The following TRAPPC9 variants were observed in gnomAD, a reference collection of about 807,000 sequenced individuals.
TRAPPC9 encodes the protein IKK2 binding protein.
A neutral mutation model predicts 124.0 loss-of-function variants in TRAPPC9; 83 were observed. The ratio of observed to expected loss-of-function variants is 0.67; its 90% CI spans 0.56 to 0.80. The LOEUF (loss-of-function observed/expected upper bound fraction) is 0.80, where lower values mean the gene tolerates loss of function less well. Among genes scored for constraint, TRAPPC9 ranks in the 30% least tolerant of loss-of-function variants. The probability of loss-of-function intolerance (pLI) is 0.00; values close to 1 mark genes in which losing one functional copy is unlikely to be tolerated. For synonymous variants in TRAPPC9, 638 were observed against 617.5 expected, an observed-to-expected ratio of 1.03 and a Z score of -0.49; for missense variants, 1,302 against 1,508.3, an observed-to-expected ratio of 0.86 and a Z score of 2.27.
chr8:139,855,755 G>A (rs937745827), intron 21 of TRAPPC9, among the ~76,000 whole-genome samples: 5 of 152,210 alleles, frequency 3.3e-5, no homozygotes, highest in African/African-American at 1.2e-4. Context: ...CCGCAAGCCC[G>A]CTCGACCCCA....
intron 21 of TRAPPC9, among the ~76,000 whole-genome samples, chr8:139,783,201 A>G (rs1024825711): frequency 6.6e-6 from 1 of 152,184 alleles, no homozygotes; most frequent in Non-Finnish European, 1.5e-5. Context: ...AATCAATGAA[A>G]TAACAAACAG....
chr8:139,891,883 A>G (rs1404747460), intron 20 of TRAPPC9, among the ~76,000 whole-genome samples: 1 of 152,214 alleles, frequency 6.6e-6, no homozygotes, highest in Admixed American at 6.5e-5. Context: ...TATCTAATTT[A>G]CAGAGAAGGA....
intron 16 of TRAPPC9, among the ~76,000 whole-genome samples, chr8:140,244,561 G>C (rs1029950766): frequency 2.6e-5 from 4 of 152,216 alleles, no homozygotes; most frequent in South Asian, 2.1e-4. Flanking sequence ...CAACCCAAAG[G>C]CAGTTTTCAT....
rs567417199 is a variant in TRAPPC9 at position 139,833,492 on chromosome 8, G to A, written c.3055+52387C>T. 1.3e-3 allele frequency among the ~76,000 whole-genome samples: 204 copies of A among 152,328 alleles called. 2 individuals are homozygous for A. In the Middle Eastern group the frequency reaches 0.031, roughly 23 times the overall value. ...GGCAATGGAAGGAGCTGGTCACGAA[G>A]AATCCGGCCACGGCACCTGGCTGAC... On this transcript the variant is annotated intron_variant, in intron 21 of 22. Coordinates refer to ENST00000438773, the MANE Select transcript of TRAPPC9 (RefSeq NM_001160372.4).
chr8:140,337,956 C>T (rs765047595), intron 9 of TRAPPC9, among the ~76,000 whole-genome samples: 30 of 152,256 alleles, frequency 2.0e-4, no homozygotes, highest in Admixed American at 1.4e-3. Flanking sequence ...CCCTGCAAAA[C>T]GGGGTTGTCT....
Position 140,284,012 on chromosome 8 carries a change from G to A in TRAPPC9, c.1991C>T (p.Thr664Ile). ...GTCACTGAACACACCGAAGACCGTGGTATGGTAACCTGGAATAGAAAAGGA... is the reference window on the plus strand; with the variant it reads ...GTCACTGAACACACCGAAGACCGTGATATGGTAACCTGGAATAGAAAAGGA... ...TGTITVNGYHTTVFGVFSDCL... is the reference protein window; with the variant it reads ...TGTITVNGYHITVFGVFSDCL... The change falls in exon 14 of 23, where the codon ACC becomes ATC. Residue 664 changes from threonine (T) to isoleucine (I), a missense_variant. Physicochemically the swap from Thr to Ile is moderately conservative, Grantham distance 89 (BLOSUM62 -1). Around this residue, in one of 3 missense-constraint regions of TRAPPC9, gnomAD observed 640 missense variants for 679.3 expected, o/e 0.94. Transcript: ENST00000438773. 1.2e-6 allele frequency: 2 copies of A among 1,614,118 alleles called. No homozygotes were observed. Among genetic ancestry groups the A allele is most frequent in the South Asian group, 1.1e-5 (1 of 91,080 alleles).
intron 21 of TRAPPC9, among the ~76,000 whole-genome samples, chr8:139,866,888 G>T (rs1828578241): frequency 6.6e-6 from 1 of 152,196 alleles, no homozygotes. Context: ...CCAAAGTATG[G>T]ATCTTGGTTG....
intron 21 of TRAPPC9, among the ~76,000 whole-genome samples, chr8:139,876,490 G>A (rs1238807162): frequency 2.6e-5 from 4 of 152,210 alleles, no homozygotes; most frequent in Non-Finnish European, 5.9e-5. Context: ...CGGGACATCT[G>A]CACAAGCTCT....
rs76783360 is a variant in TRAPPC9, at chr8:140,075,927, T to C, written c.2557-51848A>G. 2.4e-3 allele frequency among the ~76,000 whole-genome samples: 366 copies of C among 152,338 alleles called. 4 individuals are homozygous for C. The East Asian group carries it at 0.03, about 13-fold the overall frequency. On this transcript the variant is annotated intron_variant, in intron 17 of 22. Coordinates refer to ENST00000438773, the MANE Select transcript of TRAPPC9 (RefSeq NM_001160372.4). ...GTTACTGATTTGAAGCAACTAAACA[T>C]TGGAGTGAAATCTCTTATGATAGCC...
rs562348612 is a variant in TRAPPC9, at chr8:140,124,235, G to A, written c.2556+97224C>T. ...CACACCAGCATGTCTCCAGGGCTGC[G>A]TTCCTGGGGTAGGGTGCAGGGGGGG... On this transcript the variant is annotated intron_variant, in intron 17 of 22. Coordinates refer to ENST00000438773, the MANE Select transcript of TRAPPC9 (RefSeq NM_001160372.4). Among the ~76,000 whole-genome samples, 14 of 152,196 alleles carry A rather than the reference G, an allele frequency of 9.2e-5. 1 individual carries two copies. The highest frequency in any genetic ancestry group is 2.1e-4 in the South Asian group (1 of 4,834).
chr8:139,861,718 G>T (rs149334302), intron 21 of TRAPPC9, among the ~76,000 whole-genome samples: 1 of 152,210 alleles, frequency 6.6e-6, no homozygotes, highest in Non-Finnish European at 1.5e-5. Context: ...GTGCTATGGA[G>T]CCCACAAATC....
chr8:140,176,088 C>G lies in TRAPPC9; in HGVS notation c.2556+45371G>C, dbSNP rs550816921. Among the ~76,000 whole-genome samples, 324 of 152,328 alleles carry G rather than the reference C, an allele frequency of 2.1e-3. 1 individual carries two copies. The highest frequency in any genetic ancestry group is 7.4e-3 in the African/African-American group (308 of 41,562). ...CAAAGGAAAATACAGGGCCACTGAACACATCGACAGGCTGAGAGGTAAGGA... is the reference window on the plus strand; with the variant it reads ...CAAAGGAAAATACAGGGCCACTGAAGACATCGACAGGCTGAGAGGTAAGGA... On this transcript the variant is annotated intron_variant, in intron 17 of 22. Transcript: ENST00000438773.
At chr8:140,340,362 CAG>C (rs2067161388) in intron 9 of TRAPPC9, among the ~76,000 whole-genome samples, 1 of 152,144 alleles carries the variant, frequency 6.6e-6, no homozygotes, top group South Asian at 2.1e-4. Flanking sequence ...AACATTTCAC[CAG>C]AGAGATAGAA....
chr8:140,025,473 T>A (rs1840084399), intron 17 of TRAPPC9, among the ~76,000 whole-genome samples: 1 of 145,512 alleles, frequency 6.9e-6, no homozygotes, highest in Admixed American at 7.0e-5. Flanking sequence ...GATTTGCAGA[T>A]AAAACCCAGA....
chr8:139,851,201 G>A (rs950299773), intron 21 of TRAPPC9, among the ~76,000 whole-genome samples: 2 of 152,200 alleles, frequency 1.3e-5, no homozygotes, highest in East Asian at 3.8e-4. Context: ...TATGAACAAC[G>A]TACAATGGGA....
intron 9 of TRAPPC9, among the ~76,000 whole-genome samples, chr8:140,332,496 T>C (rs931057435): frequency 6.6e-6 from 1 of 152,202 alleles, no homozygotes; most frequent in African/African-American, 2.4e-5. Flanking sequence ...AAAGAAATGA[T>C]AAATGTTTGA....
chr8:140,027,343 C>G (rs1318340544), intron 17 of TRAPPC9, among the ~76,000 whole-genome samples: 2 of 152,332 alleles, frequency 1.3e-5, no homozygotes, highest in Non-Finnish European at 2.9e-5. Flanking sequence ...TGGAAATAAA[C>G]AAACTCTCAG....
rs1206249355 is a variant in TRAPPC9, at chr8:140,457,698, G to T, written c.-70C>A. On this transcript the variant is annotated 5_prime_UTR_variant, in exon 1 of 23. Coordinates refer to ENST00000438773, the MANE Select transcript of TRAPPC9 (RefSeq NM_001160372.4). ...ACGACCTGGCGGGCAGCGGGGCCGAGCAGCCTCTGCGGCCACTTCCCAGGC... is the reference window on the plus strand; with the variant it reads ...ACGACCTGGCGGGCAGCGGGGCCGATCAGCCTCTGCGGCCACTTCCCAGGC... 1 of 987,624 alleles carries T rather than the reference G, an allele frequency of 1.0e-6. No homozygotes were observed. Among genetic ancestry groups the T allele is most frequent in the African/African-American group, 1.7e-5 (1 of 57,280 alleles). The allele number at this position is 987,624 out of a possible 1,614,324, so 61.2% of individuals were successfully genotyped here.
intron 21 of TRAPPC9, among the ~76,000 whole-genome samples, chr8:139,883,436 C>A (rs183064496): frequency 6.6e-6 from 1 of 152,238 alleles, no homozygotes; most frequent in Admixed American, 6.5e-5. Context: ...TGTAACACAG[C>A]AGGGGGCTGA....
Sources: allele counts gnomAD v4.1 joint callset (sites outside exome capture counted in the v4.1 genomes callset), GRCh38; gene constraint gnomAD v4.1.1; regional missense constraint gnomAD v4.1.1; transcripts MANE v1.5; gene names NCBI Gene and HGNC (gene_info 2026-07-23, HGNC 2026-07-21).